The following SLC8A1 variants were observed in gnomAD, a reference collection of about 807,000 sequenced individuals.
SLC8A1 encodes the protein solute carrier family 8 member A1, also known as sodium/calcium exchanger 1.
Under a neutral mutation model 68.3 loss-of-function variants are expected in SLC8A1, and 18 were observed. The observed-to-expected ratio is 0.26, with a 90% CI of 0.18 to 0.39. The LOEUF (loss-of-function observed/expected upper bound fraction) is 0.39, where lower values mean the gene tolerates loss of function less well. Among genes scored for constraint, SLC8A1 ranks in the 10% least tolerant of loss-of-function variants. The pLI is 1.00. For synonymous variants in SLC8A1, 475 were observed against 415.5 expected (o/e 1.14, Z -1.74); for missense variants, 985 against 1,156.7 (o/e 0.85, Z 2.15).
intron 2 of SLC8A1, among the ~76,000 whole-genome samples, chr2:40,279,884 C>T (rs1255463037): frequency 6.6e-6 from 1 of 152,188 alleles, no homozygotes; most frequent in African/African-American, 2.4e-5. Context: ...TAGTCTTCAG[C>T]TCTCCTACAT....
intron 2 of SLC8A1, among the ~76,000 whole-genome samples, chr2:40,391,564 C>T (rs1436598905): frequency 6.6e-6 from 1 of 151,922 alleles, no homozygotes; most frequent in Non-Finnish European, 1.5e-5. Flanking sequence ...CTGTAAATCC[C>T]TAAAAATTTA....
At chr2:40,180,626 T>C (rs2049328401) in intron 2 of SLC8A1, among the ~76,000 whole-genome samples, 1 of 152,206 alleles carries the variant, frequency 6.6e-6, no homozygotes, top group South Asian at 2.1e-4. Flanking sequence ...AGATGCTTCA[T>C]TGTAGGGTAC....
intron 2 of SLC8A1, among the ~76,000 whole-genome samples, chr2:40,415,859 TACACACACACACACACACACACACACAC>T (rs70957173): frequency 3.5e-5 from 4 of 113,536 alleles, no homozygotes; most frequent in East Asian, 2.5e-4. Flanking sequence ...ACTAAAAGTA[TACACACACACACACACACACACACACAC>T]ACACACACAC....
intron 2 of SLC8A1, among the ~76,000 whole-genome samples, chr2:40,216,462 T>A (rs2057501974): frequency 6.6e-6 from 1 of 152,214 alleles, no homozygotes. Context: ...TCAATAAACA[T>A]ACATGTGCAT....
At chr2:40,162,908 C>CTCTGGTACAGT (rs931637583) in intron 5 of SLC8A1, among the ~76,000 whole-genome samples, 1 of 152,154 alleles carries the variant, frequency 6.6e-6, no homozygotes, top group African/African-American at 2.4e-5. Flanking sequence ...AGATTTGGGT[C>CTCTGGTACAGT]TCTGGTACAG....
intron 2 of SLC8A1, among the ~76,000 whole-genome samples, chr2:40,258,263 G>C (rs1274371083): frequency 1.3e-5 from 2 of 152,158 alleles, no homozygotes; most frequent in African/African-American, 4.8e-5. Context: ...TTCATTAAGT[G>C]AGCATGTCTC....
At chr2:40,483,494 G>T (rs918252468) in intron 1 of SLC8A1, among the ~76,000 whole-genome samples, 1 of 152,044 alleles carries the variant, frequency 6.6e-6, no homozygotes. Flanking sequence ...CCTAACCTCC[G>T]CAAGAGAATA....
chr2:40,297,700 T>C (rs182443090), intron 2 of SLC8A1, among the ~76,000 whole-genome samples: 1 of 152,300 alleles, frequency 6.6e-6, no homozygotes, highest in Non-Finnish European at 1.5e-5. Context: ...ATACATAACT[T>C]AGAAATCCTA....
At chr2:40,316,172 T>C (rs2074422280) in intron 2 of SLC8A1, among the ~76,000 whole-genome samples, 1 of 152,048 alleles carries the variant, frequency 6.6e-6, no homozygotes. Context: ...TCATGATCAG[T>C]AAAAACCTAT....
chr2:40,447,746 T>C (rs1559721669), intron 1 of SLC8A1, among the ~76,000 whole-genome samples: 1 of 152,204 alleles, frequency 6.6e-6, no homozygotes. Flanking sequence ...AGATACTATT[T>C]TGCCCAAGAA....
intron 2 of SLC8A1, among the ~76,000 whole-genome samples, chr2:40,283,979 T>C (rs2067885871): frequency 2.0e-5 from 3 of 152,138 alleles, no homozygotes; most frequent in Non-Finnish European, 1.5e-5. Context: ...AGGCTTGTAA[T>C]TGTTAATGTA....
chr2:40,261,097 T>A (rs533377431), intron 2 of SLC8A1, among the ~76,000 whole-genome samples: 1 of 152,302 alleles, frequency 6.6e-6, no homozygotes, highest in East Asian at 1.9e-4. Flanking sequence ...GCACTTGCTG[T>A]GTTGTGAAAA....
chr2:40,435,773 A>G (rs1699278576), intron 1 of SLC8A1, among the ~76,000 whole-genome samples: 1 of 151,768 alleles, frequency 6.6e-6, no homozygotes, highest in African/African-American at 2.4e-5. Flanking sequence ...AGCACTTATT[A>G]CTTTTTTGTT....
At chr2:40,248,015 TTC>T (rs1449545343) in intron 2 of SLC8A1, among the ~76,000 whole-genome samples, 3 of 152,200 alleles carry the variant, frequency 2.0e-5, no homozygotes, top group African/African-American at 7.2e-5. Flanking sequence ...TAGGTAGTGA[TTC>T]TGAGTCCCTT....
intron 2 of SLC8A1, among the ~76,000 whole-genome samples, chr2:40,390,019 T>C (rs1229401285): frequency 6.6e-6 from 1 of 152,002 alleles, no homozygotes; most frequent in Non-Finnish European, 1.5e-5. Context: ...TGAAAGTTCC[T>C]CAATCTTCCT....
intron 2 of SLC8A1, among the ~76,000 whole-genome samples, chr2:40,362,077 T>C (rs1403672893): frequency 2.6e-5 from 4 of 151,578 alleles, no homozygotes; most frequent in Non-Finnish European, 5.9e-5. Flanking sequence ...GTATTTTTAG[T>C]AGAGATGGGG....
chr2:40,460,724 G>A (rs923673607), intron 1 of SLC8A1, among the ~76,000 whole-genome samples: 13 of 151,752 alleles, frequency 8.6e-5, no homozygotes, highest in Non-Finnish European at 1.5e-5. Flanking sequence ...GGCAGGCACC[G>A]CCATGCCCAG....
chr2:40,393,770 A>G (rs1411150362), intron 2 of SLC8A1, among the ~76,000 whole-genome samples: 4 of 152,168 alleles, frequency 2.6e-5, no homozygotes, highest in African/African-American at 9.7e-5. Flanking sequence ...GATTTTATTT[A>G]TATAACAGGA....
intron 2 of SLC8A1, among the ~76,000 whole-genome samples, chr2:40,261,816 AAAT>A (rs962154484): frequency 5.9e-5 from 9 of 152,182 alleles, no homozygotes; most frequent in African/African-American, 2.2e-4. Flanking sequence ...GAGAAAGAGA[AAAT>A]GATGATGGGA....
Sources: gnomAD v4.1 joint callset for allele counts (sites outside exome capture counted in the v4.1 genomes callset) on GRCh38, gnomAD v4.1.1 for gene constraint, MANE v1.5 for transcripts, NCBI Gene and HGNC (gene_info 2026-07-23, HGNC 2026-07-21) for gene names.